Variants in ADAMTS16 observed in about 807,000 individuals in gnomAD.
ADAMTS16 encodes the protein ADAM metallopeptidase with thrombospondin type 1 motif 16.
ADAMTS16 carries 94 observed loss-of-function variants against 145.8 expected under a neutral mutation model. The observed-to-expected ratio is 0.64, with a 90% confidence interval of 0.55 to 0.77. ADAMTS16 has a LOEUF of 0.77. ADAMTS16 is among the 30% of genes least tolerant of loss of function. ADAMTS16 has a pLI of 0.00. For synonymous variants in ADAMTS16, 659 were observed against 604.3 expected (o/e 1.09, Z -1.33); for missense variants, 1,585 against 1,591.5 (o/e 1.00, Z 0.07).
chr5:5,243,279 AC>A (rs1271490860), intron 17 of ADAMTS16, among the ~76,000 whole-genome samples: 1 of 152,254 alleles, frequency 6.6e-6, no homozygotes, highest in Non-Finnish European at 1.5e-5. Context: ...TGAATGAAAT[AC>A]TGTCTTAGGA....
At chr5:5,238,753 C>T (rs1011716931) in intron 14 of ADAMTS16, among the ~76,000 whole-genome samples, 10 of 152,224 alleles carry the variant, frequency 6.6e-5, no homozygotes, top group African/African-American at 2.2e-4. Context: ...TGCTCCTTCT[C>T]TGTCATTGCA....
chr5:5,176,239 TG>T (rs1241769492), intron 3 of ADAMTS16: 1 of 152,226 alleles, frequency 6.6e-6, no homozygotes, highest in Admixed American at 6.5e-5. Flanking sequence ...AATGTTTCCT[TG>T]TTGCACTTTG....
In ADAMTS16 at chr5:5,235,020, G is replaced by T. The variant is rs201095916; in HGVS notation, c.1857G>T (p.Ser619=). The T allele has an allele frequency of 1.9e-6, 3 of 1,569,674 alleles. No homozygotes were observed. In the East Asian group the frequency reaches 6.9e-5, roughly 36 times the overall value. ...TTCAAAATACACATTCCAGGCCATCGCATGGAGGGAAGTTCTGTGAGGGCT... is the reference window on the plus strand; with the variant it reads ...TTCAAAATACACATTCCAGGCCATCTCATGGAGGGAAGTTCTGTGAGGGCT... ...RSRLCTNPKP[S]HGGKFCEGST... Residue 619 remains serine, a synonymous_variant, in exon 13 of 23, where the codon TCG becomes TCT. Transcript: ENST00000274181.
intron 18 of ADAMTS16, among the ~76,000 whole-genome samples, chr5:5,290,653 A>G (rs1739270963): frequency 6.6e-6 from 1 of 152,226 alleles, no homozygotes; most frequent in Non-Finnish European, 1.5e-5. Context: ...TCCATCTCAA[A>G]GAAAAAAAAG....
chr5:5,200,422 G>C (rs1233787881), intron 9 of ADAMTS16, among the ~76,000 whole-genome samples, 153 bp downstream of exon 9: 2 of 152,206 alleles, frequency 1.3e-5, no homozygotes, highest in Non-Finnish European at 2.9e-5. Context: ...CGAAGAGTTT[G>C]CTAAAAATCT....
At chr5:5,180,097 T>C (rs987526558) in intron 3 of ADAMTS16, among the ~76,000 whole-genome samples, 3 of 152,140 alleles carry the variant, frequency 2.0e-5, no homozygotes, top group Non-Finnish European at 4.4e-5. Flanking sequence ...TGGACATTAA[T>C]GTGAGCGAAC....
At chr5:5,171,396 C>A (rs951181554) in intron 3 of ADAMTS16, among the ~76,000 whole-genome samples, 9 of 152,146 alleles carry the variant, frequency 5.9e-5, no homozygotes, top group African/African-American at 2.2e-4. Flanking sequence ...CAGTATGACA[C>A]TAGCTGTGGG....
chr5:5,191,046 C>T (rs918328967), intron 7 of ADAMTS16, among the ~76,000 whole-genome samples: 45 of 152,230 alleles, frequency 3.0e-4, no homozygotes, highest in African/African-American at 1.0e-3. Context: ...TGGTGGACAA[C>T]ATTCACCTTC....
chr5:5,218,781 C>T (rs1354750437), intron 10 of ADAMTS16, among the ~76,000 whole-genome samples: 1 of 152,072 alleles, frequency 6.6e-6, no homozygotes, highest in African/African-American at 2.4e-5. Flanking sequence ...AGTCAGGCTG[C>T]CCAGTGGCCA....
chr5:5,318,295 GC>G lies in ADAMTS16; in HGVS notation c.3559+18del. 7.0e-7 allele frequency: 1 copy of G among 1,427,220 alleles called. No homozygotes were observed. Among genetic ancestry groups the G allele is most frequent in the Non-Finnish European group, 9.3e-7 (1 of 1,077,306 alleles). The allele number at this position is 1,427,220 out of a possible 1,614,324, so 88.4% of individuals were successfully genotyped here. A position where few individuals can be genotyped will look rare whatever the true frequency, so the allele number is the denominator to read the frequency against. Reference sequence around the variant, plus strand: ...CAGAGAAGAAAGGTGAGTACATGGGGCCCCTCAGCATGACCTGGGCATGGGG... The same window carrying G: ...CAGAGAAGAAAGGTGAGTACATGGGGCCCTCAGCATGACCTGGGCATGGGG... On this transcript the variant is annotated intron_variant, in intron 22 of 22. Transcript: ENST00000274181.
intron 20 of ADAMTS16, among the ~76,000 whole-genome samples, chr5:5,305,477 CCACA>C (rs1464703725): frequency 1.7e-5 from 2 of 120,022 alleles, no homozygotes; most frequent in African/African-American, 6.0e-5. Flanking sequence ...ACATCCCACA[CCACA>C]CACACACAAT....
chr5:5,205,229 G>T, intron 9 of ADAMTS16, among the ~76,000 whole-genome samples: 1 of 149,622 alleles, frequency 6.7e-6, no homozygotes, highest in South Asian at 2.1e-4. Context: ...GGTGCCTTTT[G>T]CTAAACAGAA....
intron 8 of ADAMTS16, among the ~76,000 whole-genome samples, chr5:5,192,423 G>A (rs2126578628): frequency 6.6e-6 from 1 of 152,200 alleles, no homozygotes; most frequent in East Asian, 1.9e-4. Flanking sequence ...ATTGCTTCCT[G>A]CTGTTACCCT....
chr5:5,149,845 T>G lies in ADAMTS16; in HGVS notation c.501+3390T>G, dbSNP rs577149946. Among the ~76,000 whole-genome samples the G allele has an allele frequency of 1.4e-4, 22 of 152,366 alleles. No homozygotes were observed. The South Asian group carries it at 2.7e-3, about 19-fold the overall frequency. The stretch of plus-strand genomic sequence containing the variant: ...GACTCATTTCACTTAGCATAATGTG[T>G]TCAAGATTCATCCACGTTGCAGCAC... On this transcript the variant is annotated intron_variant, in intron 3 of 22. Transcript: ENST00000274181.
At chr5:5,164,081 G>A (rs1734803593) in intron 3 of ADAMTS16, among the ~76,000 whole-genome samples, 1 of 152,202 alleles carries the variant, frequency 6.6e-6, no homozygotes, top group Non-Finnish European at 1.5e-5. Context: ...CCACAGACAA[G>A]AGTTCTGAGT....
At chr5:5,157,793 C>T (rs1046911658) in intron 3 of ADAMTS16, among the ~76,000 whole-genome samples, 1 of 152,144 alleles carries the variant, frequency 6.6e-6, no homozygotes, top group Non-Finnish European at 1.5e-5. Context: ...CCCCTCTTTA[C>T]GTCCACAGTT....
rs892334042 is a variant in ADAMTS16, at chr5:5,269,103, C to A, written c.2789+6320C>A. Among the ~76,000 whole-genome samples, 1 of 151,504 alleles carries A rather than the reference C, an allele frequency of 6.6e-6. No individual in the cohort carries two copies. Among genetic ancestry groups the A allele is most frequent in the African/African-American group, 2.4e-5 (1 of 41,126 alleles). ...CAGACAGGCCATGCCTCTTGTCATG[C>A]AGCTCCTATGCTTCAAGATCCACAC... On this transcript the variant is annotated intron_variant, in intron 18 of 22. Coordinates refer to ENST00000274181, the MANE Select transcript of ADAMTS16 (RefSeq NM_139056.4). The surrounding 1 kb of genome is among the most constrained non-coding windows in gnomAD (Gnocchi z 4.3).
intron 18 of ADAMTS16, among the ~76,000 whole-genome samples, chr5:5,293,572 A>C (rs1287361342): frequency 1.3e-5 from 2 of 152,112 alleles, no homozygotes; most frequent in Non-Finnish European, 2.9e-5. Flanking sequence ...TGGAGCTTGG[A>C]TGCTATGAGA....
chr5:5,278,881 GA>G (rs1419616795), intron 18 of ADAMTS16, among the ~76,000 whole-genome samples: 2 of 150,726 alleles, frequency 1.3e-5, no homozygotes, highest in Non-Finnish European at 3.0e-5. Context: ...GGATAAAAAT[GA>G]AAAAAAGGGG....
Sources: gnomAD v4.1 joint callset for allele counts (sites outside exome capture counted in the v4.1 genomes callset) on GRCh38, gnomAD v4.1.1 for gene constraint, Gnocchi (gnomAD v3.1) non-coding constraint, MANE v1.5 for transcripts, NCBI Gene and HGNC (gene_info 2026-07-23, HGNC 2026-07-21) for gene names.